Variants in NR1D2 observed in about 807,000 individuals in gnomAD.
The protein encoded by NR1D2 is nuclear receptor subfamily 1 group D member 2.
In NR1D2, 25 loss-of-function variants were observed where a neutral mutation model predicts 52.2. The observed-to-expected ratio is 0.48, with a 90% CI of 0.35 to 0.67. NR1D2 has a LOEUF of 0.67. NR1D2 is among the 30% of genes least tolerant of loss of function. The pLI, the probability that NR1D2 is intolerant of heterozygous loss-of-function variation, is 0.01. For missense variants in NR1D2, 681 were observed against 707.2 expected (o/e 0.96, Z 0.42); for synonymous variants, 259 against 230.1 (o/e 1.13, Z -1.14).
Position 23,954,570 on chromosome 3 carries a change from C to T in NR1D2, c.50C>T (p.Ser17Leu). The change falls in exon 2 of 8, where the codon TCA becomes TTA. Residue 17 changes from serine to leucine, a missense_variant. By Grantham distance (145) the Ser-to-Leu change is moderately radical (BLOSUM62 -2). Transcript: ENST00000312521. ...GVIAYISSSS[S>L]ASSPASCHSE... is the part of the protein sequence containing the mutation. ...ATTGCCTATATCAGTTCTTCCAGCT[C>T]AGCCTCAAGCCCTGCCTCTTGTCAC... 5.0e-6 allele frequency: 8 copies of T among 1,614,088 alleles called. No homozygotes were observed. The highest frequency in any genetic ancestry group is 6.8e-6 in the Non-Finnish European group (8 of 1,179,970).
At position 23,977,324 on chromosome 3, in the gene NR1D2, T is replaced by C; in HGVS notation, c.1645T>C (p.Ser549Pro). 6.2e-7 allele frequency: 1 copy of C among 1,613,598 alleles called. No individual in the cohort carries two copies. Among genetic ancestry groups the C allele is most frequent in the African/African-American group, 1.3e-5 (1 of 75,010 alleles). ...AATGAAAAACCATCCAAATGAGGCC[T>C]CTATTTTTACAAAACTGCTTCTAAA... is the stretch of plus-strand genomic sequence containing the variant. ...LIMKNHPNEA[S>P]IFTKLLLKLP... Residue 549 changes from serine to proline, a missense_variant, in exon 8 of 8, where the codon TCT (serine) becomes CCT (proline). By Grantham distance (74) the Ser-to-Pro change is moderately conservative. Around this residue, in one of 3 missense-constraint regions of NR1D2, gnomAD observed 475 missense variants for 454.5 expected, o/e 1.05. Coordinates refer to ENST00000312521, the MANE Select transcript of NR1D2 (RefSeq NM_005126.5).
rs768245664 is a variant in NR1D2, at chr3:23,959,620, A to G, written c.373-51A>G. 14 of 1,568,896 alleles carry G rather than the reference A, an allele frequency of 8.9e-6. No individual in the cohort carries two copies. In the African/African-American group the frequency reaches 1.9e-4, roughly 21 times the overall value. On this transcript the variant is annotated intron_variant, in intron 3 of 7. Coordinates refer to ENST00000312521, the MANE Select transcript of NR1D2 (RefSeq NM_005126.5). ...AGGTATGGGAGCAGTGTTTATAAGA[A>G]GTTCATTTGGGTGTTTTTAAATGGG...
intron 3 of NR1D2, among the ~76,000 whole-genome samples, chr3:23,957,560 CA>C (rs999695818): frequency 1.9e-3 from 257 of 134,712 alleles, no homozygotes; most frequent in African/African-American, 2.0e-3. Context: ...ACTAAAAATA[CA>C]AAAAAAAAAA....
intron 1 of NR1D2, among the ~76,000 whole-genome samples, chr3:23,950,333 C>T (rs1047678520): frequency 6.6e-6 from 1 of 152,204 alleles, no homozygotes; most frequent in Admixed American, 6.5e-5. Flanking sequence ...TGGCCTGCCA[C>T]TTAGTGGCTG....
Position 23,945,541 on chromosome 3 carries a change from G to A in NR1D2, c.-38G>A. Reference sequence around the variant, plus strand: ...GCGGCGGCGGCGCTGCCCCCTCTGCGGGAAGCGGGCGGCCCCGGCCGCCTC... The same window carrying A: ...GCGGCGGCGGCGCTGCCCCCTCTGCAGGAAGCGGGCGGCCCCGGCCGCCTC... On this transcript the variant is annotated 5_prime_UTR_variant, in exon 1 of 8. Transcript: ENST00000312521. 1 of 1,142,970 alleles carries A rather than the reference G, an allele frequency of 8.7e-7. No homozygotes were observed. Among genetic ancestry groups the A allele is most frequent in the Non-Finnish European group, 1.1e-6 (1 of 924,532 alleles). The allele number at this position is 1,142,970 out of a possible 1,614,324, so 70.8% of individuals were successfully genotyped here.
At chr3:23,976,712 AT>A (rs1158473804) in intron 7 of NR1D2, among the ~76,000 whole-genome samples, 1 of 151,936 alleles carries the variant, frequency 6.6e-6, no homozygotes, top group Non-Finnish European at 1.5e-5. Context: ...ATTCTGCCAT[AT>A]TTTTTTTCAT....
chr3:23,958,238 C>G (rs1559332577), intron 3 of NR1D2, among the ~76,000 whole-genome samples: 2 of 152,180 alleles, frequency 1.3e-5, no homozygotes, highest in Non-Finnish European at 2.9e-5. Flanking sequence ...TATAAGTAGG[C>G]CTTGCCATTG....
At position 23,945,301 on chromosome 3, in the gene NR1D2, C is replaced by T. The variant is rs1007034217; in HGVS notation, c.-278C>T. The T allele has an allele frequency of 1.3e-5, 2 of 156,246 alleles. No homozygotes were observed. The highest frequency in any genetic ancestry group is 2.8e-5 in the Non-Finnish European group (2 of 71,030). The allele number at this position is 156,246 out of a possible 1,614,324, so 9.7% of individuals were successfully genotyped here. Reference sequence around the variant, plus strand: ...TGCCCTCCCCGTCAGCCGCCCTCGCCGCCGCGGTGCGCTGGCTGCAGGAAG... The same window carrying T: ...TGCCCTCCCCGTCAGCCGCCCTCGCTGCCGCGGTGCGCTGGCTGCAGGAAG... On this transcript the variant is annotated 5_prime_UTR_variant, in exon 1 of 8. Transcript: ENST00000312521.
In NR1D2 at chr3:23,959,691, T is replaced by A; in HGVS notation, c.393T>A (p.Ile131=). The A allele has an allele frequency of 1.9e-6, 3 of 1,611,960 alleles. No individual in the cohort carries two copies. Among genetic ancestry groups the A allele is most frequent in the Non-Finnish European group, 2.5e-6 (3 of 1,179,458 alleles). ...EGCKGFFRRS[I]QQNIQYKKCL... ...CTTAGGGTTTCTTTCGGAGAAGTATTCAACAAAACATCCAGTACAAGAAGT... is the reference window on the plus strand; with the variant it reads ...CTTAGGGTTTCTTTCGGAGAAGTATACAACAAAACATCCAGTACAAGAAGT... Residue 131 remains isoleucine, a synonymous_variant, in exon 4 of 8, where the codon ATT becomes ATA. Coordinates refer to ENST00000312521, the MANE Select transcript of NR1D2 (RefSeq NM_005126.5).
intron 7 of NR1D2, among the ~76,000 whole-genome samples, chr3:23,972,546 A>G (rs911108250): frequency 6.6e-6 from 1 of 152,074 alleles, no homozygotes; most frequent in Non-Finnish European, 1.5e-5. Flanking sequence ...TGTGAGGTCA[A>G]GGCTCATTTA....
At chr3:23,977,082 T>C in intron 7 of NR1D2, 141 bp from the exon 8 acceptor site, 1 of 432,424 alleles carries the variant, frequency 2.3e-6, no homozygotes, top group African/African-American at 2.0e-5. Flanking sequence ...TTTGAGAAAT[T>C]TGTCAACTTT....
intron 7 of NR1D2, among the ~76,000 whole-genome samples, chr3:23,976,443 G>A (rs1362930044): frequency 6.6e-6 from 1 of 152,198 alleles, no homozygotes; most frequent in Non-Finnish European, 1.5e-5. Context: ...CTCATATGAA[G>A]GCTTGAGTAG....
intron 1 of NR1D2, among the ~76,000 whole-genome samples, chr3:23,952,709 G>C (rs1705972020): frequency 6.7e-6 from 1 of 148,192 alleles, no homozygotes; most frequent in South Asian, 2.1e-4. Flanking sequence ...CTGGACAACA[G>C]AGTGAGACTC....
intron 1 of NR1D2, chr3:23,946,252 A>T (rs1176737918): frequency 1.0e-6 from 1 of 985,380 alleles, no homozygotes; most frequent in Non-Finnish European, 1.2e-6. Context: ...TCTTTTCGCG[A>T]GGTGACCCCA....
intron 3 of NR1D2, among the ~76,000 whole-genome samples, chr3:23,957,904 A>G (rs1706129865): frequency 6.6e-6 from 1 of 152,228 alleles, no homozygotes. Context: ...GTATCACAAT[A>G]ATAAAATATA....
intron 5 of NR1D2, chr3:23,963,531 C>G (rs1706345626): frequency 3.2e-6 from 1 of 308,090 alleles, no homozygotes; most frequent in Admixed American, 6.5e-5. Flanking sequence ...CTCATTGCAA[C>G]CTCCACCTCT....
At position 23,970,481 on chromosome 3, in the gene NR1D2, G is replaced by A. The variant is rs542627281; in HGVS notation, c.1543+2458G>A. Among the ~76,000 whole-genome samples the A allele has an allele frequency of 8.5e-4, 130 of 152,244 alleles. 1 individual carries two copies. The highest frequency in any genetic ancestry group is 1.6e-3 in the Non-Finnish European group (108 of 68,008). On this transcript the variant is annotated intron_variant, in intron 7 of 7. Transcript: ENST00000312521. Reference sequence around the variant, plus strand: ...GAAAATATTAAAATGGAAAAAAAAGGTTATAATATCACTACCAGAAAAGAT... The same window carrying A: ...GAAAATATTAAAATGGAAAAAAAAGATTATAATATCACTACCAGAAAAGAT...
chr3:23,957,613 C>G (rs1280151766), intron 3 of NR1D2, among the ~76,000 whole-genome samples: 2 of 150,464 alleles, frequency 1.3e-5, no homozygotes, highest in Admixed American at 1.3e-4. Context: ...GTCCCAGCTA[C>G]TCGGGAGGCT....
intron 1 of NR1D2, among the ~76,000 whole-genome samples, chr3:23,951,302 C>T (rs906940870): frequency 2.6e-5 from 4 of 152,124 alleles, no homozygotes; most frequent in Admixed American, 6.6e-5. Context: ...AGTCTTACTT[C>T]CAAGGAAAAA....
Sources: gnomAD v4.1 joint callset for allele counts (sites outside exome capture counted in the v4.1 genomes callset) on GRCh38, gnomAD v4.1.1 for gene constraint, gnomAD v4.1.1 regional missense constraint, MANE v1.5 for transcripts, NCBI Gene and HGNC (gene_info 2026-07-23, HGNC 2026-07-21) for gene names.